The following CHKB variants were observed in gnomAD, a reference collection of about 807,000 sequenced individuals.
CHKB encodes choline/ethanolamine kinase.
A neutral mutation model predicts 57.3 loss-of-function variants in CHKB; 45 were observed. The observed-to-expected ratio is 0.79, with a 90% CI of 0.62 to 1.01. The LOEUF is 1.01. Ranked by LOEUF, CHKB falls within the 50% of genes least tolerant of loss-of-function variation. CHKB has a pLI of 0.00. For synonymous variants in CHKB, 224 were observed against 201.8 expected, an observed-to-expected ratio of 1.11 and a Z score of -0.93; for missense variants, 517 against 502.8, an observed-to-expected ratio of 1.03 and a Z score of -0.27.
In CHKB at chr22:50,580,660, C is replaced by A. The variant is rs1346797803; in HGVS notation, c.582G>T (p.Arg194=). The A allele has an allele frequency of 1.2e-6, 2 of 1,613,816 alleles. No homozygotes were observed. The highest frequency in any genetic ancestry group is 8.5e-7 in the Non-Finnish European group (1 of 1,179,980). Residue 194 remains arginine, a splice_region_variant and synonymous_variant, in exon 5 of 11, where the codon CGG becomes CGT. Transcript: ENST00000406938. ...EPHWLFGTME[R]YLKQIQDLPP... is the part of the protein sequence containing the mutation. ...GCAGGTCCTGGATCTGTTTTAGGTA[C>A]CTGAAGCCCAAAGAATAGGATACAC... is the stretch of plus-strand genomic sequence containing the variant.
chr22:50,579,376 T>G (rs1603443665), intron 10 of CHKB, 50 bp downstream of exon 10: 1 of 1,591,990 alleles, frequency 6.3e-7, no homozygotes, highest in Non-Finnish European at 8.6e-7. Context: ...GTGTGGCTGC[T>G]GCTGCTCCCC....
intron 2 of CHKB, 117 bp from the exon 3 acceptor site, chr22:50,581,979 A>T: frequency 2.1e-6 from 2 of 934,634 alleles, no homozygotes; most frequent in Non-Finnish European, 3.5e-6. Flanking sequence ...GAGGCTCTGG[A>T]GCACAGGCTT....
intron 3 of CHKB, 72 bp downstream of exon 3, chr22:50,581,677 G>A: frequency 1.9e-6 from 3 of 1,577,992 alleles, no homozygotes; most frequent in South Asian, 2.2e-5. Flanking sequence ...TGTGGAGGCA[G>A]ACATTGGGCA....
At chr22:50,581,973 C>G (rs1189530160) in intron 2 of CHKB, 111 bp from the exon 3 acceptor site, 2 of 956,050 alleles carry the variant, frequency 2.1e-6, no homozygotes, top group Non-Finnish European at 3.4e-6. Flanking sequence ...TGCCTGGAGG[C>G]TCTGGAGCAC....
chr22:50,581,365 T>G (rs28442108), intron 4 of CHKB, 55 bp downstream of exon 4: 1 of 1,606,306 alleles, frequency 6.2e-7, no homozygotes. Flanking sequence ...ACACATCCGC[T>G]GGCATGGAGG....
In CHKB at chr22:50,582,336, G is replaced by C; in HGVS notation, c.246C>G (p.Leu82=). Residue 82 remains leucine (L), a synonymous_variant, in exon 2 of 11, where the codon CTC becomes CTG. Transcript: ENST00000406938. ...GGTGGTCCGGGAGCGAGCAGCGGAA[G>C]AGCAGGTTGCTGAGGCCTCCGCTGC... is the stretch of plus-strand genomic sequence containing the variant. The part of the protein sequence containing the change: ...YPVSGGLSNL[L]FRCSLPDHLP... 1 of 1,571,720 alleles carries C rather than the reference G, an allele frequency of 6.4e-7. No individual in the cohort carries two copies. The highest frequency in any genetic ancestry group is 8.6e-7 in the Non-Finnish European group (1 of 1,161,186).
chr22:50,580,774 G>A lies in CHKB; in HGVS notation c.582-114C>T, dbSNP rs932895277. 9 of 921,818 alleles carry A rather than the reference G, an allele frequency of 9.8e-6. No individual in the cohort carries two copies. In the African/African-American group the frequency reaches 9.9e-5, roughly 10 times the overall value. The allele number at this position is 921,818 out of a possible 1,614,324, so 57.1% of individuals were successfully genotyped here. A position where few individuals can be genotyped will look rare whatever the true frequency, so the allele number is the denominator to read the frequency against. On this transcript the variant is annotated intron_variant, in intron 4 of 10. Coordinates refer to ENST00000406938, the MANE Select transcript of CHKB (RefSeq NM_005198.5). ...GCTCCTATCACTGTGTGACTTGTCC[G>A]GCAATCATTTCTTTTTTTCTTTTGA...
intron 2 of CHKB, 47 bp downstream of exon 2, chr22:50,582,202 G>C: frequency 6.7e-7 from 1 of 1,491,284 alleles, no homozygotes; most frequent in South Asian, 1.2e-5. Flanking sequence ...TCGCGTAAGC[G>C]ACAGGCCCTA....
chr22:50,581,391 C>A (rs1275800962), intron 4 of CHKB, 29 bp downstream of exon 4: 4 of 1,611,752 alleles, frequency 2.5e-6, no homozygotes, highest in Non-Finnish European at 3.4e-6. Flanking sequence ...CTCAGGAGTA[C>A]AGGAGCCCTG....
chr22:50,581,373 A>T lies in CHKB; in HGVS notation c.581+47T>A, dbSNP rs201981381. On this transcript the variant is annotated intron_variant, in intron 4 of 10. Coordinates refer to ENST00000406938, the MANE Select transcript of CHKB (RefSeq NM_005198.5). The stretch of plus-strand genomic sequence containing the variant: ...GCCCCCGACACATCCGCTGGCATGG[A>T]GGTTCAGCTCAGGAGTACAGGAGCC... 1.5e-5 allele frequency: 24 copies of T among 1,608,948 alleles called. No homozygotes were observed. The East Asian group carries it at 4.5e-4, about 30-fold the overall frequency.
intron 1 of CHKB, 31 bp from the exon 2 acceptor site, chr22:50,582,388 G>GCGGCCGGCCCTACCTGCCGCGGCCC (rs2070713461): frequency 1.3e-6 from 2 of 1,525,314 alleles, no homozygotes; most frequent in Non-Finnish European, 1.8e-6. Flanking sequence ...CGCTCAGCCC[G>GCGGCCGGCCCTACCTGCCGCGGCCC]CGGCCGGCCC....
chr22:50,579,703 C>G, intron 9 of CHKB, 24 bp downstream of exon 9: 2 of 1,594,904 alleles, frequency 1.3e-6, no homozygotes, highest in Non-Finnish European at 8.6e-7. Flanking sequence ...TCTGCCCTAC[C>G]CCACCCTGCC....
chr22:50,581,303 G>A (rs2070685575), intron 4 of CHKB, 117 bp downstream of exon 4: 1 of 1,347,874 alleles, frequency 7.4e-7, no homozygotes, highest in Non-Finnish European at 1.0e-6. Flanking sequence ...CCTGTTCTGT[G>A]ACAGCCCATG....
intron 2 of CHKB, 187 bp from the exon 3 acceptor site, chr22:50,582,049 C>G (rs1050121778): frequency 1.3e-6 from 1 of 770,358 alleles, no homozygotes. Flanking sequence ...AGGCTGGTCT[C>G]GAACTCCTGT....
intron 4 of CHKB, 184 bp from the exon 5 acceptor site, chr22:50,580,844 A>C (rs538265352): frequency 1.6e-6 from 1 of 608,022 alleles, no homozygotes; most frequent in African/African-American, 1.8e-5. Context: ...CAGTGGCGCG[A>C]TCTTGGCTCA....
rs1213694056 is a variant in CHKB, at chr22:50,579,994, A to G, written c.907T>C (p.Tyr303His). Residue 303 changes from tyrosine (Y) to histidine (H), a missense_variant, in exon 8 of 11, where the codon TAC becomes CAC. Tyr to His is a moderately conservative substitution (Grantham distance 83). Coordinates refer to ENST00000406938, the MANE Select transcript of CHKB (RefSeq NM_005198.5). ...CATACCTGCTGTTCTTGAGTGGGGT[A>G]GTCTGTGGGCCTTGCTTTGTAGAAA... is the stretch of plus-strand genomic sequence containing the variant. ...WPFYKARPTD[Y>H]PTQEQQLHFI... 1 of 1,613,988 alleles carries G rather than the reference A, an allele frequency of 6.2e-7. No homozygotes were observed. The highest frequency in any genetic ancestry group is 8.5e-7 in the Non-Finnish European group (1 of 1,179,944).
Position 50,582,609 on chromosome 22 carries a change from C to G in CHKB, c.173G>C (p.Gly58Ala). The change falls in exon 1 of 11, where the codon GGC becomes GCC. Residue 58 changes from glycine (G) to alanine (A), a missense_variant. By Grantham distance (60) the Gly-to-Ala change is moderately conservative. Coordinates refer to ENST00000406938, the MANE Select transcript of CHKB (RefSeq NM_005198.5). ...GGGCTGCACTCGGCGCCAGGCCCCG[C>G]CCAAGTACTCCCGGCACCATTGGTA... ...RAYQWCREYL[G>A]GAWRRVQPEE... 6.2e-7 allele frequency: 1 copy of G among 1,611,216 alleles called. No homozygotes were observed.
chr22:50,580,642 C>G lies in CHKB; in HGVS notation c.600G>C (p.Gln200His). Reference protein sequence around the residue: ...GTMERYLKQIQDLPPTGLPEM... With the variant: ...GTMERYLKQIHDLPPTGLPEM... ...CAGGGAGGCCAGTTGGGGGCAGGTC[C>G]TGGATCTGTTTTAGGTACCTGAAGC... The change falls in exon 5 of 11, where the codon CAG becomes CAC. Residue 200 changes from glutamine to histidine, a missense_variant. By Grantham distance (24) the Gln-to-His change is conservative. Transcript: ENST00000406938. 1 of 1,614,048 alleles carries G rather than the reference C, an allele frequency of 6.2e-7. No homozygotes were observed. Among genetic ancestry groups the G allele is most frequent in the Non-Finnish European group, 8.5e-7 (1 of 1,180,028 alleles).
intron 1 of CHKB, 30 bp from the exon 2 acceptor site, chr22:50,582,387 C>G (rs1003166428): frequency 3.7e-5 from 56 of 1,526,348 alleles, no homozygotes; most frequent in Non-Finnish European, 4.9e-5. Flanking sequence ...GCGCTCAGCC[C>G]GCGGCCGGCC....
Sources: allele counts gnomAD v4.1 joint callset, GRCh38; gene constraint gnomAD v4.1.1; transcripts MANE v1.5; gene names NCBI Gene and HGNC (gene_info 2026-07-23, HGNC 2026-07-21).